Variants in EZR observed in about 807,000 individuals in gnomAD.
The protein encoded by EZR is cytovillin 2.
In EZR, 40 loss-of-function variants were observed where a neutral mutation model predicts 74.8. The observed-to-expected ratio is 0.53, with a 90% CI of 0.42 to 0.70. The LOEUF is 0.70. EZR is among the 30% of genes least tolerant of loss of function. The pLI, the probability that EZR is intolerant of heterozygous loss-of-function variation, is 0.00. For missense variants in EZR, 678 were observed against 755.8 expected, an observed-to-expected ratio of 0.90 and a Z score of 1.21; for synonymous variants, 341 against 283.3, an observed-to-expected ratio of 1.20 and a Z score of -2.05.
chr6:158,784,478 T>A (rs1044279675), intron 6 of EZR, among the ~76,000 whole-genome samples, 166 bp downstream of exon 6: 2 of 151,956 alleles, frequency 1.3e-5, no homozygotes, highest in Admixed American at 6.6e-5. Context: ...TGGCTTTGTT[T>A]AAAAAAAACC....
At chr6:158,794,458 T>A (rs1777024030) in intron 2 of EZR, among the ~76,000 whole-genome samples, 1 of 152,232 alleles carries the variant, frequency 6.6e-6, no homozygotes, top group South Asian at 2.1e-4. Context: ...CAACTGGTTC[T>A]TGTATCTTCA....
chr6:158,808,483 T>C (rs1442069816), intron 2 of EZR, among the ~76,000 whole-genome samples: 1 of 147,870 alleles, frequency 6.8e-6, no homozygotes, highest in East Asian at 1.9e-4. Flanking sequence ...ACTTACTACA[T>C]TATTTCATCG....
chr6:158,786,142 G>A (rs1316122329), intron 4 of EZR, among the ~76,000 whole-genome samples: 4 of 152,146 alleles, frequency 2.6e-5, no homozygotes, highest in African/African-American at 9.7e-5. Context: ...GGGAGGCTGA[G>A]GTGGGCGGAC....
intron 3 of EZR, among the ~76,000 whole-genome samples, chr6:158,788,044 G>C (rs931448405): frequency 6.6e-6 from 1 of 152,120 alleles, no homozygotes; most frequent in Non-Finnish European, 1.5e-5. Context: ...CATATACATA[G>C]ATGTCTAATT....
intron 2 of EZR, among the ~76,000 whole-genome samples, chr6:158,810,027 A>G (rs1390176736): frequency 6.6e-6 from 1 of 152,248 alleles, no homozygotes; most frequent in East Asian, 1.9e-4. Context: ...TCAGGCAAAA[A>G]TGGAAAACAA....
Position 158,768,030 on chromosome 6 carries a change from G to A in EZR, c.1345-518C>T, listed in dbSNP as rs181204316. Among the ~76,000 whole-genome samples, 1,352 of 151,778 alleles carry A rather than the reference G, an allele frequency of 8.9e-3. 20 individuals are homozygous for A. The highest frequency in any genetic ancestry group is 7.1e-3 in the Non-Finnish European group (480 of 67,962). Reference sequence around the variant, plus strand: ...AAAAACCTAAGAACCAAAGTCTTCCGCTTGCAACTTGGGATGGTGATATGG... The same window carrying A: ...AAAAACCTAAGAACCAAAGTCTTCCACTTGCAACTTGGGATGGTGATATGG... On this transcript the variant is annotated intron_variant, in intron 12 of 13. Coordinates refer to ENST00000367075, the MANE Select transcript of EZR (RefSeq NM_001111077.2).
intron 2 of EZR, among the ~76,000 whole-genome samples, chr6:158,802,372 G>A (rs1382472364): frequency 6.6e-6 from 1 of 151,924 alleles, no homozygotes; most frequent in East Asian, 1.9e-4. Context: ...CAGCAAGTCT[G>A]GCAGAAAGGA....
Position 158,787,211 on chromosome 6 carries a change from A to T in EZR, c.97-8T>A. ...GCCGATAGTCTTTACCACCTGCGTG[A>T]GAGAGAGAGAGGCTCAACACTCATG... On this transcript the variant is annotated splice_region_variant and splice_polypyrimidine_tract_variant and intron_variant, in intron 3 of 13. Coordinates refer to ENST00000367075, the MANE Select transcript of EZR (RefSeq NM_001111077.2). 1 of 1,454,826 alleles carries T rather than the reference A, an allele frequency of 6.9e-7. No individual in the cohort carries two copies. The highest frequency in any genetic ancestry group is 9.4e-7 in the Non-Finnish European group (1 of 1,062,144). 90.1% of individuals were successfully genotyped at this position (1,454,826 alleles called of 1,614,324 possible). A position where few individuals can be genotyped will look rare whatever the true frequency, so the allele number is the denominator to read the frequency against.
At chr6:158,809,493 C>T (rs945731206) in intron 2 of EZR, among the ~76,000 whole-genome samples, 3 of 152,222 alleles carry the variant, frequency 2.0e-5, no homozygotes, top group African/African-American at 7.2e-5. Flanking sequence ...TTTCTCTACA[C>T]AAAGACCCAC....
intron 7 of EZR, among the ~76,000 whole-genome samples, chr6:158,777,913 T>TA (rs35964138): frequency 1.8e-3 from 279 of 151,512 alleles, no homozygotes; most frequent in African/African-American, 6.0e-3. Context: ...CAATCCCCAT[T>TA]AAAAAAAAAC....
intron 8 of EZR, 77 bp from the exon 9 acceptor site, chr6:158,771,484 TC>T (rs1266885171): frequency 1.4e-6 from 2 of 1,458,800 alleles, no homozygotes; most frequent in African/African-American, 2.8e-5. Context: ...TTCACAAAGG[TC>T]CAGAACTTTT....
At chr6:158,804,203 A>G (rs1489690506) in intron 2 of EZR, among the ~76,000 whole-genome samples, 1 of 151,880 alleles carries the variant, frequency 6.6e-6, no homozygotes, top group Non-Finnish European at 1.5e-5. Flanking sequence ...CTTCTTCTAC[A>G]CTGGAAATAA....
rs1237457521 is a variant in EZR at position 158,765,999 on chromosome 6, TAA to T, written c.*913_*914del. Reference sequence around the variant, plus strand: ...GTGGCATGTGTGAATCTGACAAAATTAAAAGTGTGCATAGTCCATTACATGCA... The same window carrying T: ...GTGGCATGTGTGAATCTGACAAAATTAAGTGTGCATAGTCCATTACATGCA... On this transcript the variant is annotated 3_prime_UTR_variant, in exon 14 of 14. Transcript: ENST00000367075. 5.2e-5 allele frequency: 8 copies of T among 152,588 alleles called. No homozygotes were observed. The highest frequency in any genetic ancestry group is 4.2e-4 in the South Asian group (2 of 4,818). The allele number at this position is 152,588 out of a possible 1,614,324, so 9.5% of individuals were successfully genotyped here.
chr6:158,787,575 G>A (rs1427070580), intron 3 of EZR, among the ~76,000 whole-genome samples: 2 of 152,166 alleles, frequency 1.3e-5, no homozygotes, highest in Non-Finnish European at 2.9e-5. Flanking sequence ...AGGGAACAGT[G>A]CGGTGGGTGC....
rs549553356 is a variant in EZR, at chr6:158,767,843, CCA to C, written c.1345-333_1345-332del. On this transcript the variant is annotated intron_variant, in intron 12 of 13. Coordinates refer to ENST00000367075, the MANE Select transcript of EZR (RefSeq NM_001111077.2). ...GCTCTGTTCCTAGCCTCCCTTCATG[CCA>C]CAGTCATTATCAAGTGCTCTCCTGC... Among the ~76,000 whole-genome samples, 244 of 152,224 alleles carry C rather than the reference CCA, an allele frequency of 1.6e-3. 1 individual carries two copies. The highest frequency in any genetic ancestry group is 5.5e-3 in the African/African-American group (227 of 41,550).
chr6:158,783,709 CAA>C, intron 6 of EZR, 43 bp from the exon 7 acceptor site: 1 of 1,596,892 alleles, frequency 6.3e-7, no homozygotes, highest in South Asian at 1.1e-5. Flanking sequence ...TGGTAGCACT[CAA>C]TATCTAGAAC....
At chr6:158,801,147 TCG>T (rs1319247477) in intron 2 of EZR, among the ~76,000 whole-genome samples, 1 of 152,186 alleles carries the variant, frequency 6.6e-6, no homozygotes, top group Non-Finnish European at 1.5e-5. Context: ...AGACAGGGTC[TCG>T]CTCTGTCAAG....
At chr6:158,798,586 T>TCC (rs1777123752) in intron 2 of EZR, among the ~76,000 whole-genome samples, 1 of 146,928 alleles carries the variant, frequency 6.8e-6, no homozygotes, top group South Asian at 2.2e-4. Context: ...TTCAGAGACC[T>TCC]CCCTCGATGG....
In EZR at chr6:158,767,248, C is replaced by T. The variant is rs1790911680; in HGVS notation, c.1596+13G>A. 1 of 1,608,186 alleles carries T rather than the reference C, an allele frequency of 6.2e-7. No homozygotes were observed. Among genetic ancestry groups the T allele is most frequent in the South Asian group, 1.1e-5 (1 of 90,420 alleles). On this transcript the variant is annotated intron_variant, in intron 13 of 13. Coordinates refer to ENST00000367075, the MANE Select transcript of EZR (RefSeq NM_001111077.2). ...AGGCAGGCTCCCTGGAGACAGAGCC[C>T]CTTGGGCCTCACCAGCAGCTGCCGC...
Sources: allele counts gnomAD v4.1 joint callset (sites outside exome capture counted in the v4.1 genomes callset), GRCh38; gene constraint gnomAD v4.1.1; transcripts MANE v1.5; gene names NCBI Gene and HGNC (gene_info 2026-07-23, HGNC 2026-07-21).